The following MAP6 variants were observed in gnomAD, a reference collection of about 807,000 sequenced individuals.
MAP6 encodes microtubule-associated protein 6.
In MAP6, 26 loss-of-function variants were observed where a neutral mutation model predicts 42.4. The observed-to-expected ratio is 0.61, with a 90% confidence interval of 0.45 to 0.85. The LOEUF (loss-of-function observed/expected upper bound fraction) is 0.85, where lower values mean the gene tolerates loss of function less well. MAP6 is among the 40% of genes least tolerant of loss of function. The pLI is 0.00. For synonymous variants in MAP6, 418 were observed against 443.8 expected (o/e 0.94, Z 0.73); for missense variants, 966 against 1,099.0 (o/e 0.88, Z 1.71).
intron 1 of MAP6, among the ~76,000 whole-genome samples, chr11:75,642,213 T>C (rs1943482562): frequency 6.6e-6 from 1 of 152,256 alleles, no homozygotes; most frequent in African/African-American, 2.4e-5. Flanking sequence ...TTCAGTGTCA[T>C]GTTGGCTGAC....
At chr11:75,646,610 G>A (rs1943558116) in intron 1 of MAP6, among the ~76,000 whole-genome samples, 2 of 151,100 alleles carry the variant, frequency 1.3e-5, no homozygotes, top group South Asian at 2.1e-4. Flanking sequence ...TTCGAGGCCA[G>A]CCTGACATGG....
At chr11:75,638,941 T>C (rs1181248758) in intron 1 of MAP6, among the ~76,000 whole-genome samples, 3 of 152,228 alleles carry the variant, frequency 2.0e-5, no homozygotes, top group African/African-American at 7.2e-5. Flanking sequence ...AAATATGGTA[T>C]ATACACTACG....
At chr11:75,629,100 A>AT (rs1454815999) in intron 1 of MAP6, among the ~76,000 whole-genome samples, 1 of 151,906 alleles carries the variant, frequency 6.6e-6, no homozygotes, top group East Asian at 1.9e-4. Flanking sequence ...TTTTATTTTT[A>AT]TTTTTTGAGA....
At chr11:75,589,482 T>C (rs1468654699) in intron 3 of MAP6, among the ~76,000 whole-genome samples, 2 of 152,152 alleles carry the variant, frequency 1.3e-5, no homozygotes, top group African/African-American at 2.4e-5. Context: ...CTTTTATAGC[T>C]CATTTCAGCA....
At chr11:75,621,775 C>T (rs11605453) in intron 1 of MAP6, among the ~76,000 whole-genome samples, 14 of 152,174 alleles carry the variant, frequency 9.2e-5, no homozygotes, top group Non-Finnish European at 1.6e-4. Context: ...GTAATCCCTG[C>T]ACTTTGGAAG....
chr11:75,667,395 T>C lies in MAP6; in HGVS notation c.905+70A>G. 6.0e-6 allele frequency: 8 copies of C among 1,339,800 alleles called. No individual in the cohort carries two copies. The highest frequency in any genetic ancestry group is 1.6e-5 in the South Asian group (1 of 61,638). 83.0% of individuals were successfully genotyped at this position (1,339,800 alleles called of 1,614,324 possible). ...CACGCTAGGCCTGCGCTGGGGATCCTGGGCCCCGGGCAGCCCGCGGGGAGG... is the reference window on the plus strand; with the variant it reads ...CACGCTAGGCCTGCGCTGGGGATCCCGGGCCCCGGGCAGCCCGCGGGGAGG... On this transcript the variant is annotated intron_variant, in intron 1 of 3. Coordinates refer to ENST00000304771, the MANE Select transcript of MAP6 (RefSeq NM_033063.2). This position sits in a 1 kb window ranked among gnomAD's most constrained non-coding sequence, Gnocchi z 5.6.
chr11:75,619,544 AC>A (rs1476267857), intron 1 of MAP6, among the ~76,000 whole-genome samples: 1 of 151,942 alleles, frequency 6.6e-6, no homozygotes, highest in Non-Finnish European at 1.5e-5. Context: ...TGTGTGCTGT[AC>A]CCCTCTATGT....
intron 1 of MAP6, among the ~76,000 whole-genome samples, chr11:75,623,698 G>A (rs991741587): frequency 5.3e-5 from 8 of 152,262 alleles, no homozygotes; most frequent in African/African-American, 1.2e-4. Context: ...CTGAACCAAC[G>A]AATAAACACC....
chr11:75,647,471 G>T (rs1943580584), intron 1 of MAP6, among the ~76,000 whole-genome samples: 2 of 151,466 alleles, frequency 1.3e-5, no homozygotes, highest in South Asian at 4.2e-4. Context: ...AGAATCAAAG[G>T]AGAAAATATT....
intron 1 of MAP6, among the ~76,000 whole-genome samples, chr11:75,617,999 T>G: frequency 6.6e-6 from 1 of 151,776 alleles, no homozygotes; most frequent in Non-Finnish European, 1.5e-5. Context: ...TGGGAGGGAG[T>G]GTTGCTCCTT....
At chr11:75,606,804 A>C in intron 2 of MAP6, among the ~76,000 whole-genome samples, 1 of 151,450 alleles carries the variant, frequency 6.6e-6, no homozygotes, top group South Asian at 2.1e-4. Flanking sequence ...ACTCTCCCCA[A>C]CCTCCCTCCT....
chr11:75,661,134 AAATT>A (rs1943837155), intron 1 of MAP6, among the ~76,000 whole-genome samples: 1 of 152,164 alleles, frequency 6.6e-6, no homozygotes, highest in East Asian at 1.9e-4. Context: ...AGAAAAAAAT[AAATT>A]ATCAACACTG....
chr11:75,656,722 ATCT>A (rs1246390015), intron 1 of MAP6, among the ~76,000 whole-genome samples: 1 of 152,006 alleles, frequency 6.6e-6, no homozygotes, highest in Non-Finnish European at 1.5e-5. Context: ...TGTTGTCCTG[ATCT>A]TCTTTTCTGT....
chr11:75,604,016 C>G, intron 3 of MAP6: 1 of 985,794 alleles, frequency 1.0e-6, no homozygotes, highest in Non-Finnish European at 1.2e-6. Flanking sequence ...GAATCAGTGC[C>G]AGGATCCACT....
chr11:75,622,963 G>A (rs1010779303), intron 1 of MAP6, among the ~76,000 whole-genome samples: 3 of 152,132 alleles, frequency 2.0e-5, no homozygotes, highest in Non-Finnish European at 2.9e-5. Context: ...CAGGAAATTG[G>A]CTAACACTGT....
chr11:75,628,891 C>T (rs1943240192), intron 1 of MAP6, among the ~76,000 whole-genome samples: 1 of 152,084 alleles, frequency 6.6e-6, no homozygotes, highest in Non-Finnish European at 1.5e-5. Context: ...TTACTGTGTG[C>T]CAGAAGCTTT....
At chr11:75,628,309 A>G (rs1349110183) in intron 1 of MAP6, among the ~76,000 whole-genome samples, 1 of 152,170 alleles carries the variant, frequency 6.6e-6, no homozygotes, top group African/African-American at 2.4e-5. Flanking sequence ...AGCCAGAGAG[A>G]TTCACATTTA....
rs142435592 is a variant in MAP6, at chr11:75,628,148, C to A, written c.906-19826G>T. Among the ~76,000 whole-genome samples the A allele has an allele frequency of 3.4e-4, 52 of 152,268 alleles. 1 individual carries two copies. The highest frequency in any genetic ancestry group is 2.1e-4 in the South Asian group (1 of 4,818). On this transcript the variant is annotated intron_variant, in intron 1 of 3. Transcript: ENST00000304771. The stretch of plus-strand genomic sequence containing the variant: ...GAGAAATGGTTGTGTTGGGGGTGGC[C>A]TGTACTCTGTTTGCTGGAGCAAAGA...
In MAP6 at chr11:75,668,221, T is replaced by C; in HGVS notation, c.149A>G (p.Gln50Arg). Reference protein sequence around the residue: ...PGAPPQPPPPQQQAQPALAPP... With the variant: ...PGAPPQPPPPRQQAQPALAPP... ...CGCGAGCGCCGGCTGCGCCTGCTGC[T>C]GCGGCGGCGGTGGCTGCGGCGGGGC... Residue 50 changes from glutamine (Q) to arginine (R), a missense_variant, in exon 1 of 4, where the codon CAG (glutamine) becomes CGG (arginine). Around this residue, in one of 2 missense-constraint regions of MAP6, gnomAD observed 943 missense variants for 1,049.9 expected, o/e 0.90. Transcript: ENST00000304771. 1.5e-6 allele frequency: 2 copies of C among 1,373,654 alleles called. No homozygotes were observed. Among genetic ancestry groups the C allele is most frequent in the East Asian group, 2.9e-5 (1 of 34,520 alleles). The allele number at this position is 1,373,654 out of a possible 1,614,324, so 85.1% of individuals were successfully genotyped here. A position where few individuals can be genotyped will look rare whatever the true frequency, so the allele number is the denominator to read the frequency against.
Sources: gnomAD v4.1 joint callset for allele counts (sites outside exome capture counted in the v4.1 genomes callset) on GRCh38, gnomAD v4.1.1 for gene constraint, gnomAD v4.1.1 regional missense constraint, Gnocchi (gnomAD v3.1) non-coding constraint, MANE v1.5 for transcripts, NCBI Gene and HGNC (gene_info 2026-07-23, HGNC 2026-07-21) for gene names.